MDGA2: variants seen among roughly 807,000 people sequenced by gnomAD.
MDGA2 encodes MAM domain-containing glycosylphosphatidylinositol anchor protein 2.
In MDGA2, 40 loss-of-function variants were observed where a neutral mutation model predicts 117.8. The ratio of observed to expected loss-of-function variants is 0.34; its 90% CI spans 0.26 to 0.44. MDGA2 has a LOEUF of 0.44. Ranked by LOEUF, MDGA2 falls within the 20% of genes least tolerant of loss-of-function variation. The pLI, the probability that MDGA2 is intolerant of heterozygous loss-of-function variation, is 1.00. For synonymous variants in MDGA2, 452 were observed against 439.0 expected, an observed-to-expected ratio of 1.03 and a Z score of -0.37; for missense variants, 1,123 against 1,250.6, an observed-to-expected ratio of 0.90 and a Z score of 1.54.
At chr14:46,985,352 G>C (rs1031593959) in intron 8 of MDGA2, among the ~76,000 whole-genome samples, 1 of 151,956 alleles carries the variant, frequency 6.6e-6, no homozygotes, top group African/African-American at 2.4e-5. Context: ...AAGGAATCCA[G>C]CACAAGTACT....
intron 3 of MDGA2, among the ~76,000 whole-genome samples, chr14:47,198,678 C>G (rs145541732): frequency 8.7e-4 from 133 of 152,252 alleles, no homozygotes; most frequent in African/African-American, 3.0e-3. Context: ...AAGCTTTCAA[C>G]CAGACTCATT....
At chr14:47,537,574 TAAAAAA>T (rs58060138) in intron 1 of MDGA2, among the ~76,000 whole-genome samples, 2,174 of 36,062 alleles carry the variant, frequency 0.06, 24 homozygotes, top group Admixed American at 0.085. Flanking sequence ...TTCTCTCTGT[TAAAAAA>T]AAAAAAAAAA....
intron 1 of MDGA2, among the ~76,000 whole-genome samples, chr14:47,455,234 G>T (rs147650527): frequency 6.6e-6 from 1 of 152,106 alleles, no homozygotes; most frequent in Non-Finnish European, 1.5e-5. Flanking sequence ...AGTCGGGTGC[G>T]GTGGCTCACG....
At chr14:47,588,233 G>GATAT (rs1284259011) in intron 1 of MDGA2, among the ~76,000 whole-genome samples, 38 of 83,662 alleles carry the variant, frequency 4.5e-4, no homozygotes, top group Non-Finnish European at 6.8e-4. Flanking sequence ...CTTGGAGATA[G>GATAT]ATAGATATAT....
intron 6 of MDGA2, among the ~76,000 whole-genome samples, chr14:47,083,175 G>T (rs1177529366): frequency 2.6e-5 from 4 of 151,872 alleles, no homozygotes; most frequent in African/African-American, 9.7e-5. Flanking sequence ...CAGAAATACT[G>T]GCCCAAGATT....
intron 1 of MDGA2, among the ~76,000 whole-genome samples, chr14:47,579,023 A>T (rs1256721440): frequency 6.6e-6 from 1 of 152,122 alleles, no homozygotes; most frequent in East Asian, 1.9e-4. Context: ...ATTTGGGTTC[A>T]ATTTTTTAAT....
At chr14:47,011,365 T>C (rs1234859181) in intron 8 of MDGA2, among the ~76,000 whole-genome samples, 1 of 152,036 alleles carries the variant, frequency 6.6e-6, no homozygotes, top group East Asian at 1.9e-4. Flanking sequence ...TGCATGTTCT[T>C]AAATTTAAAA....
intron 2 of MDGA2, among the ~76,000 whole-genome samples, chr14:47,242,837 C>G (rs1283122269): frequency 6.6e-6 from 1 of 151,858 alleles, no homozygotes; most frequent in Non-Finnish European, 1.5e-5. Context: ...TAGCGCAGGG[C>G]ACAGGACTGG....
At position 47,379,842 on chromosome 14, in the gene MDGA2, G is replaced by A. The variant is rs148950801; in HGVS notation, c.281-78292C>T. 8.0e-3 allele frequency among the ~76,000 whole-genome samples: 1,221 copies of A among 152,208 alleles called. 8 individuals carry two copies. Among genetic ancestry groups the A allele is most frequent in the Non-Finnish European group, 0.014 (934 of 68,012 alleles). On this transcript the variant is annotated intron_variant, in intron 1 of 16. Coordinates refer to ENST00000399232, the MANE Select transcript of MDGA2 (RefSeq NM_001113498.3). ...ACAGAAACTTCACAAGGATATCCAG[G>A]AACTGAACTCAGCTCTGCACCAACC...
At chr14:47,513,859 C>A (rs1894695710) in intron 1 of MDGA2, among the ~76,000 whole-genome samples, 1 of 152,134 alleles carries the variant, frequency 6.6e-6, no homozygotes, top group Admixed American at 6.6e-5. Flanking sequence ...AATTCAACAA[C>A]ATTTATTATG....
At chr14:47,177,099 G>C (rs1043618105) in intron 3 of MDGA2, among the ~76,000 whole-genome samples, 22 of 152,158 alleles carry the variant, frequency 1.4e-4, no homozygotes, top group South Asian at 4.1e-4. Context: ...AAACCACAAT[G>C]AGATACCATC....
intron 3 of MDGA2, among the ~76,000 whole-genome samples, chr14:47,213,855 A>G (rs1885976960): frequency 6.6e-6 from 1 of 152,124 alleles, no homozygotes; most frequent in Admixed American, 6.6e-5. Context: ...ACAGTTCAGC[A>G]TGGTTGGGGC....
At chr14:46,863,853 A>C (rs1408746936) in intron 14 of MDGA2, among the ~76,000 whole-genome samples, 1 of 152,208 alleles carries the variant, frequency 6.6e-6, no homozygotes, top group Non-Finnish European at 1.5e-5. Flanking sequence ...GATTACATAT[A>C]GTTTTACTAG....
chr14:47,312,688 G>GTTTTTTTTT (rs1186421912), intron 1 of MDGA2, among the ~76,000 whole-genome samples: 2 of 104,292 alleles, frequency 1.9e-5, no homozygotes, highest in African/African-American at 4.0e-5. Flanking sequence ...TTTTTTTTTT[G>GTTTTTTTTT]TTTTGTTTTG....
intron 5 of MDGA2, among the ~76,000 whole-genome samples, chr14:47,098,508 T>C (rs999341543): frequency 1.1e-4 from 16 of 151,746 alleles, no homozygotes; most frequent in African/African-American, 3.6e-4. Context: ...ATGAAAAAAG[T>C]ATGCAAAAGT....
At chr14:47,321,664 A>T (rs181726500) in intron 1 of MDGA2, among the ~76,000 whole-genome samples, 122 of 152,314 alleles carry the variant, frequency 8.0e-4, no homozygotes, top group Non-Finnish European at 1.3e-3. Flanking sequence ...GCCAGAGAAA[A>T]AAGAAAAACT....
intron 1 of MDGA2, among the ~76,000 whole-genome samples, chr14:47,511,851 G>C (rs1224623001): frequency 2.6e-5 from 4 of 152,170 alleles, no homozygotes; most frequent in Admixed American, 6.5e-5. Context: ...AGAGCAGGAA[G>C]ACAGTGAAAA....
Position 47,075,247 on chromosome 14 carries a change from T to C in MDGA2, c.1196-13669A>G, listed in dbSNP as rs537204445. ...TTCTTTGTCTATAAGAAAACTCTCT[T>C]CCAGATATTTTGTATTCTCTGGACT... is the stretch of plus-strand genomic sequence containing the variant. On this transcript the variant is annotated intron_variant, in intron 6 of 16. Transcript: ENST00000399232. Among the ~76,000 whole-genome samples the C allele has an allele frequency of 2.6e-5, 4 of 152,316 alleles. No homozygotes were observed. The East Asian group carries it at 7.7e-4, about 29-fold the overall frequency.
intron 4 of MDGA2, among the ~76,000 whole-genome samples, chr14:47,139,362 C>T (rs1033922782): frequency 6.6e-6 from 1 of 152,018 alleles, no homozygotes; most frequent in Non-Finnish European, 1.5e-5. Flanking sequence ...ACCTTGAGTG[C>T]TCCCTCCATA....
Sources: gnomAD v4.1 joint callset for allele counts (sites outside exome capture counted in the v4.1 genomes callset) on GRCh38, gnomAD v4.1.1 for gene constraint, MANE v1.5 for transcripts, NCBI Gene and HGNC (gene_info 2026-07-23, HGNC 2026-07-21) for gene names.